PCDH15: variants seen among roughly 807,000 people sequenced by gnomAD.
PCDH15 encodes the protein protocadherin-15.
A neutral mutation model predicts 178.5 loss-of-function variants in PCDH15; 129 were observed. The ratio of observed to expected loss-of-function variants is 0.72; its 90% CI spans 0.63 to 0.84. The LOEUF is 0.84. PCDH15 is among the 40% of genes least tolerant of loss of function. The pLI, the probability that PCDH15 is intolerant of heterozygous loss-of-function variation, is 0.00. For synonymous variants in PCDH15, 800 were observed against 732.0 expected (o/e 1.09, Z -1.50); for missense variants, 2,230 against 2,099.9 (o/e 1.06, Z -1.21).
At chr10:54,669,779 G>A (rs1309973717) in intron 1 of PCDH15, among the ~76,000 whole-genome samples, 1 of 150,926 alleles carries the variant, frequency 6.6e-6, no homozygotes, top group Non-Finnish European at 1.5e-5. Flanking sequence ...TTGGCCAGGC[G>A]CGGTGGATCA....
In PCDH15 at chr10:54,388,078, T is replaced by C. The variant is rs185195253; in HGVS notation, c.158-9136A>G. Among the ~76,000 whole-genome samples the C allele has an allele frequency of 3.9e-5, 6 of 152,302 alleles. No individual in the cohort carries two copies. In the East Asian group the frequency reaches 1.2e-3, roughly 29 times the overall value. On this transcript the variant is annotated intron_variant, in intron 3 of 37. Coordinates refer to ENST00000644397, the MANE Select transcript of PCDH15 (RefSeq NM_001384140.1). ...TAATGGCTGCACAACTGTATGAATA[T>C]ACTTAATACCACTGAACTGTACACT...
intron 1 of PCDH15, among the ~76,000 whole-genome samples, chr10:54,778,455 C>T (rs1248046474): frequency 6.6e-6 from 1 of 152,048 alleles, no homozygotes; most frequent in African/African-American, 2.4e-5. Context: ...CATTGCTTTT[C>T]TGCTATACAG....
intron 2 of PCDH15, among the ~76,000 whole-genome samples, chr10:54,950,345 G>T (rs1838308382): frequency 6.6e-6 from 1 of 152,000 alleles, no homozygotes; most frequent in Admixed American, 6.6e-5. Flanking sequence ...CCCATGTGTT[G>T]TGGGAGGAAC....
chr10:55,544,170 A>ATATATG (rs1391811154), intron 2 of PCDH15, among the ~76,000 whole-genome samples: 6 of 137,858 alleles, frequency 4.4e-5, no homozygotes, highest in African/African-American at 1.3e-4. Flanking sequence ...ATATATATAT[A>ATATATG]TATATTATAC....
chr10:55,046,046 A>G (rs1242953385), intron 2 of PCDH15, among the ~76,000 whole-genome samples: 2 of 152,084 alleles, frequency 1.3e-5, no homozygotes, highest in South Asian at 2.1e-4. Flanking sequence ...CTTGTTGACA[A>G]ATTCTGCCAG....
chr10:54,544,601 T>C (rs1171536329), intron 2 of PCDH15, among the ~76,000 whole-genome samples: 4 of 152,190 alleles, frequency 2.6e-5, no homozygotes, highest in Non-Finnish European at 5.9e-5. Context: ...GCATATATCA[T>C]ACATTTTGCC....
At chr10:55,470,011 G>A (rs1839920994) in intron 2 of PCDH15, among the ~76,000 whole-genome samples, 1 of 151,760 alleles carries the variant, frequency 6.6e-6, no homozygotes, top group Non-Finnish European at 1.5e-5. Context: ...AAATATTATG[G>A]CTTAAAACAT....
intron 3 of PCDH15, among the ~76,000 whole-genome samples, chr10:54,501,342 G>A (rs1227516141): frequency 1.3e-5 from 2 of 151,532 alleles, no homozygotes; most frequent in Non-Finnish European, 2.9e-5. Context: ...GAGAATATTG[G>A]GAAATAAAAA....
At chr10:54,074,571 A>G (rs1020988059) in intron 17 of PCDH15, among the ~76,000 whole-genome samples, 1 of 152,154 alleles carries the variant, frequency 6.6e-6, no homozygotes, top group Non-Finnish European at 1.5e-5. Flanking sequence ...TATATACCAC[A>G]TTTTGTTTAT....
At chr10:54,243,861 G>A (rs1227330793) in intron 8 of PCDH15, among the ~76,000 whole-genome samples, 2 of 151,982 alleles carry the variant, frequency 1.3e-5, no homozygotes, top group Admixed American at 6.6e-5. Context: ...AGTAGTATGG[G>A]CCAAGCCAAT....
At chr10:54,347,430 C>A (rs79674388) in intron 5 of PCDH15, among the ~76,000 whole-genome samples, 2 of 152,086 alleles carry the variant, frequency 1.3e-5, no homozygotes, top group Non-Finnish European at 2.9e-5. Context: ...GTTAGAGGAA[C>A]TAAATGCACT....
At chr10:55,183,819 T>G (rs2132137446) in intron 1 of PCDH15, among the ~76,000 whole-genome samples, 1 of 152,110 alleles carries the variant, frequency 6.6e-6, no homozygotes, top group Non-Finnish European at 1.5e-5. Context: ...TACTAGTTTA[T>G]CCCTATTTGC....
intron 32 of PCDH15, chr10:53,821,769 T>TA: frequency 1.3e-6 from 2 of 1,578,976 alleles, no homozygotes; most frequent in South Asian, 1.2e-5. Flanking sequence ...GGTAAAATAA[T>TA]AGAGTCTTCT....
intron 2 of PCDH15, among the ~76,000 whole-genome samples, chr10:54,625,485 AC>A (rs2093517881): frequency 6.6e-6 from 1 of 151,974 alleles, no homozygotes; most frequent in Non-Finnish European, 1.5e-5. Flanking sequence ...TGAGGGGGAG[AC>A]TTTTCCTGCT....
At chr10:54,327,893 C>G (rs1368822195) in intron 7 of PCDH15, among the ~76,000 whole-genome samples, 1 of 151,966 alleles carries the variant, frequency 6.6e-6, no homozygotes, top group Non-Finnish European at 1.5e-5. Flanking sequence ...CACCATGTCT[C>G]CACACGTGCA....
chr10:55,198,047 G>C (rs113113942), intron 1 of PCDH15, among the ~76,000 whole-genome samples: 2 of 152,184 alleles, frequency 1.3e-5, no homozygotes, highest in African/African-American at 4.8e-5. Flanking sequence ...AAAAAGGATG[G>C]ATAGATATAG....
chr10:55,154,372 A>C (rs1838825758), intron 2 of PCDH15, among the ~76,000 whole-genome samples: 1 of 152,120 alleles, frequency 6.6e-6, no homozygotes, highest in Non-Finnish European at 1.5e-5. Flanking sequence ...TGAATGGAGA[A>C]CCCTGGGGCA....
chr10:55,078,599 C>G (rs1355675149), intron 2 of PCDH15, among the ~76,000 whole-genome samples: 5 of 151,622 alleles, frequency 3.3e-5, no homozygotes, highest in Admixed American at 2.6e-4. Flanking sequence ...TTGAGATAGT[C>G]TATTGTTGAA....
At chr10:54,437,185 T>TC (rs2075478462) in intron 3 of PCDH15, among the ~76,000 whole-genome samples, 2 of 152,172 alleles carry the variant, frequency 1.3e-5, no homozygotes, top group Admixed American at 1.3e-4. Context: ...AAGCAAGCTC[T>TC]CCAATTTTTC....
Sources: gnomAD v4.1 joint callset for allele counts (sites outside exome capture counted in the v4.1 genomes callset) on GRCh38, gnomAD v4.1.1 for gene constraint, MANE v1.5 for transcripts, NCBI Gene and HGNC (gene_info 2026-07-23, HGNC 2026-07-21) for gene names.